The following PCDHB2 variants were observed in gnomAD, a reference collection of about 807,000 sequenced individuals.
PCDHB2 encodes the protein protocadherin beta-2.
For missense variants in PCDHB2, 914 were observed against 1,023.1 expected (o/e 0.89, Z 1.45); for synonymous variants, 395 against 464.9 (o/e 0.85, Z 1.93).
In PCDHB2 at chr5:141,096,338, C is replaced by T. The variant is rs143150465; in HGVS notation, c.1548C>T (p.Phe516=). 5.0e-6 allele frequency: 8 copies of T among 1,613,174 alleles called. No individual in the cohort carries two copies. The African/African-American group carries it at 6.7e-5, about 13-fold the overall frequency. Residue 516 remains phenylalanine, a synonymous_variant, in exon 1 of 1, where the codon TTC becomes TTT. Coordinates refer to ENST00000194155, the MANE Select transcript of PCDHB2 (RefSeq NM_018936.4). ...TCAACGCGGACAACGGCCACCTGTTCGCTCTCCAGTCGCTGGACTACGAGG... is the reference window on the plus strand; with the variant it reads ...TCAACGCGGACAACGGCCACCTGTTTGCTCTCCAGTCGCTGGACTACGAGG... ...VSINADNGHL[F]ALQSLDYEAL...
In PCDHB2 at chr5:141,095,550, C is replaced by G. The variant is rs375953256; in HGVS notation, c.760C>G (p.Pro254Ala). 3.7e-6 allele frequency: 6 copies of G among 1,613,336 alleles called. No individual in the cohort carries two copies. In the East Asian group the frequency reaches 8.9e-5, roughly 24 times the overall value. ...FAKLLYEVQI[P>A]EDSPVGSQVA... ...AAAGCTGCTCTATGAGGTGCAGATCCCGGAGGACAGCCCCGTTGGATCCCA... is the reference window on the plus strand; with the variant it reads ...AAAGCTGCTCTATGAGGTGCAGATCGCGGAGGACAGCCCCGTTGGATCCCA... Residue 254 changes from proline to alanine, a missense_variant, in exon 1 of 1, where the codon CCG becomes GCG. Transcript: ENST00000194155.
chr5:141,095,070 C>G lies in PCDHB2; in HGVS notation c.280C>G (p.Arg94Gly). 6.2e-7 allele frequency: 1 copy of G among 1,613,988 alleles called. No individual in the cohort carries two copies. Among genetic ancestry groups the G allele is most frequent in the Non-Finnish European group, 8.5e-7 (1 of 1,179,994 alleles). The change falls in exon 1 of 1, where the codon CGG becomes GGG. Residue 94 changes from arginine to glycine, a missense_variant. Coordinates refer to ENST00000194155, the MANE Select transcript of PCDHB2 (RefSeq NM_018936.4). ...TTTGTTGTTAAATGAGAAATTGGAC[C>G]GGGAGGAGCTGTGCGGCCCCACAGA... ...GDLLLNEKLD[R>G]EELCGPTEPC...
rs1554271430 is a variant in PCDHB2, at chr5:141,096,214, T to A, written c.1424T>A (p.Val475Asp). ...AGCCCCGCCCTGCACATCGGCAGCGTCAGCGCCACAGACAGAGACTCGGGC... is the reference window on the plus strand; with the variant it reads ...AGCCCCGCCCTGCACATCGGCAGCGACAGCGCCACAGACAGAGACTCGGGC... The part of the protein sequence containing the change: ...NNSPALHIGS[V>D]SATDRDSGTN... Residue 475 changes from valine to aspartate, a missense_variant, in exon 1 of 1, where the codon GTC (valine) becomes GAC (aspartate). Physicochemically the swap from Val to Asp is radical, Grantham distance 152 (BLOSUM62 -3). Transcript: ENST00000194155. 1.2e-6 allele frequency: 2 copies of A among 1,612,990 alleles called. No individual in the cohort carries two copies. Among genetic ancestry groups the A allele is most frequent in the African/African-American group, 1.3e-5 (1 of 75,010 alleles).
rs1030865446 is a variant in PCDHB2, at chr5:141,094,971, C to T, written c.181C>T (p.Leu61Phe). The T allele has an allele frequency of 1.9e-6, 3 of 1,613,584 alleles. No individual in the cohort carries two copies. The highest frequency in any genetic ancestry group is 2.5e-6 in the Non-Finnish European group (3 of 1,179,906). ...LKDLGLEIGE[L>F]AVRGARVVSK... is the part of the protein sequence containing the mutation. The stretch of plus-strand genomic sequence containing the variant: ...AGACCTGGGGCTGGAGATAGGAGAA[C>T]TTGCTGTGAGGGGGGCCAGGGTCGT... The change falls in exon 1 of 1, where the codon CTT becomes TTT. Residue 61 changes from leucine (L) to phenylalanine (F), a missense_variant. Coordinates refer to ENST00000194155, the MANE Select transcript of PCDHB2 (RefSeq NM_018936.4).
chr5:141,096,809 G>A lies in PCDHB2; in HGVS notation c.2019G>A (p.Leu673=), dbSNP rs1323423418. The change falls in exon 1 of 1, where the codon CTG becomes CTA. Residue 673 remains leucine (L), a synonymous_variant. Transcript: ENST00000194155. ...LLVDGFSQPY[L]LLPEAAPAQA... ...TGGACGGCTTCTCCCAGCCCTACCT[G>A]CTGCTCCCGGAGGCGGCACCGGCCC... 1.2e-5 allele frequency: 19 copies of A among 1,610,212 alleles called. No individual in the cohort carries two copies. The highest frequency in any genetic ancestry group is 1.6e-5 in the Non-Finnish European group (19 of 1,179,722).
rs1486373921 is a variant in PCDHB2 at position 141,094,823 on chromosome 5, G to A, written c.33G>A (p.Pro11=). The A allele has an allele frequency of 5.1e-6, 8 of 1,580,996 alleles. No individual in the cohort carries two copies. The highest frequency in any genetic ancestry group is 2.0e-4 in the Middle Eastern group (1 of 5,058). The change falls in exon 1 of 1, where the codon CCG becomes CCA. Residue 11 remains proline (P), a synonymous_variant. Transcript: ENST00000194155. MEAGEGKERV[P]KQRQVLIFFV... is the part of the protein sequence containing the mutation. ...CCGGAGAGGGGAAGGAGCGCGTTCC[G>A]AAACAAAGGCAAGTCCTGATATTCT...
rs384081 is a variant in PCDHB2, at chr5:141,096,811, T to C, written c.2021T>C (p.Leu674Pro). ...LVDGFSQPYL[L>P]LPEAAPAQAQ... is the part of the protein sequence containing the mutation. ...GACGGCTTCTCCCAGCCCTACCTGC[T>C]GCTCCCGGAGGCGGCACCGGCCCAG... Residue 674 changes from leucine (L) to proline (P), a missense_variant, in exon 1 of 1, where the codon CTG becomes CCG. Transcript: ENST00000194155. 68,805 of 1,475,554 alleles carry C rather than the reference T, an allele frequency of 0.047. 6,215 individuals are homozygous for C. Among genetic ancestry groups the C allele is most frequent in the South Asian group, 0.087 (7,340 of 84,616 alleles). 91.4% of individuals were successfully genotyped at this position (1,475,554 alleles called of 1,614,324 possible). A position where few individuals can be genotyped will look rare whatever the true frequency, so the allele number is the denominator to read the frequency against.
chr5:141,096,497 C>G lies in PCDHB2; in HGVS notation c.1707C>G (p.Asn569Lys), dbSNP rs200168689. 2 of 1,608,720 alleles carry G rather than the reference C, an allele frequency of 1.2e-6. No individual in the cohort carries two copies. Among genetic ancestry groups the G allele is most frequent in the African/African-American group, 2.7e-5 (2 of 74,808 alleles). Residue 569 changes from asparagine to lysine, a missense_variant, in exon 1 of 1, where the codon AAC (asparagine) becomes AAG (lysine). By Grantham distance (94) the Asn-to-Lys change is moderately conservative (BLOSUM62 0). Transcript: ENST00000194155. ...CCTTCGTGCTGTACCCGCTGCAGAACGGCTCCGCGCCCTGCACCGAGCTGG... is the reference window on the plus strand; with the variant it reads ...CCTTCGTGCTGTACCCGCTGCAGAAGGGCTCCGCGCCCTGCACCGAGCTGG... ...NSPFVLYPLQ[N>K]GSAPCTELVP... is the part of the protein sequence containing the mutation.
At position 141,094,872 on chromosome 5, in the gene PCDHB2, G is replaced by A; in HGVS notation, c.82G>A (p.Ala28Thr). Residue 28 changes from alanine (A) to threonine (T), a missense_variant, in exon 1 of 1, where the codon GCT (alanine) becomes ACT (threonine). Physicochemically the swap from Ala to Thr is moderately conservative, Grantham distance 58. Transcript: ENST00000194155. ...CTTTGTTTTGCTGGGCATAGCTCAG[G>A]CTAGTTGCCAGCCTAGGCACTATTC... is the stretch of plus-strand genomic sequence containing the variant. Reference protein sequence around the residue: ...IFFVLLGIAQASCQPRHYSVA... With the variant: ...IFFVLLGIAQTSCQPRHYSVA... 5.6e-6 allele frequency: 9 copies of A among 1,613,734 alleles called. No individual in the cohort carries two copies. The highest frequency in any genetic ancestry group is 7.6e-6 in the Non-Finnish European group (9 of 1,179,918).
chr5:141,096,713 G>T lies in PCDHB2; in HGVS notation c.1923G>T (p.Arg641Ser). The change falls in exon 1 of 1, where the codon AGG becomes AGT. Residue 641 changes from arginine to serine, a missense_variant. Arg to Ser is a moderately radical substitution (Grantham distance 110). Transcript: ENST00000194155. ...LLRERDAAKQ[R>S]LVVLVKDNGE... ...GGGAGCGCGACGCTGCCAAGCAGAGGCTGGTGGTGCTGGTCAAGGACAATG... is the reference window on the plus strand; with the variant it reads ...GGGAGCGCGACGCTGCCAAGCAGAGTCTGGTGGTGCTGGTCAAGGACAATG... The T allele has an allele frequency of 3.7e-6, 6 of 1,610,554 alleles. No individual in the cohort carries two copies. The highest frequency in any genetic ancestry group is 5.1e-6 in the Non-Finnish European group (6 of 1,179,676).
rs560605066 is a variant in PCDHB2 at position 141,095,064 on chromosome 5, T to C, written c.274T>C (p.Leu92=). The C allele has an allele frequency of 2.5e-6, 4 of 1,614,068 alleles. No individual in the cohort carries two copies. In the African/African-American group the frequency reaches 4.0e-5, roughly 16 times the overall value. ...QTGDLLLNEK[L]DREELCGPTE... ...CGGGGATTTGTTGTTAAATGAGAAATTGGACCGGGAGGAGCTGTGCGGCCC... is the reference window on the plus strand; with the variant it reads ...CGGGGATTTGTTGTTAAATGAGAAACTGGACCGGGAGGAGCTGTGCGGCCC... Residue 92 remains leucine (L), a synonymous_variant, in exon 1 of 1, where the codon TTG becomes CTG. Coordinates refer to ENST00000194155, the MANE Select transcript of PCDHB2 (RefSeq NM_018936.4).
In PCDHB2 at chr5:141,095,044, A is replaced by G; in HGVS notation, c.254A>G (p.Asp85Gly). ...MHLQFDRQTG[D>G]LLLNEKLDRE... Reference sequence around the variant, plus strand: ...TTGCAGTTCGATAGGCAGACCGGGGATTTGTTGTTAAATGAGAAATTGGAC... The same window carrying G: ...TTGCAGTTCGATAGGCAGACCGGGGGTTTGTTGTTAAATGAGAAATTGGAC... Residue 85 changes from aspartate to glycine, a missense_variant, in exon 1 of 1, where the codon GAT becomes GGT. By Grantham distance (94) the Asp-to-Gly change is moderately conservative. Transcript: ENST00000194155. 6.2e-7 allele frequency: 1 copy of G among 1,613,894 alleles called. No individual in the cohort carries two copies. Among genetic ancestry groups the G allele is most frequent in the Non-Finnish European group, 8.5e-7 (1 of 1,179,960 alleles).
Position 141,095,478 on chromosome 5 carries a change from G to A in PCDHB2, c.688G>A (p.Val230Ile). ...GSPPRSGTAL[V>I]RIEVVDINDN... ...TCCACCCAGGTCCGGCACGGCCCTG[G>A]TACGGATTGAAGTTGTGGACATCAA... The change falls in exon 1 of 1, where the codon GTA becomes ATA. Residue 230 changes from valine (V) to isoleucine (I), a missense_variant. Val to Ile is a conservative substitution (Grantham distance 29, BLOSUM62 3). Transcript: ENST00000194155. The A allele has an allele frequency of 6.2e-7, 1 of 1,614,124 alleles. No homozygotes were observed. The highest frequency in any genetic ancestry group is 1.3e-5 in the African/African-American group (1 of 75,020).
At position 141,096,188 on chromosome 5, in the gene PCDHB2, C is replaced by T. The variant is rs1588302619; in HGVS notation, c.1398C>T (p.Asn466=). 1 of 1,613,164 alleles carries T rather than the reference C, an allele frequency of 6.2e-7. No homozygotes were observed. The highest frequency in any genetic ancestry group is 2.2e-5 in the East Asian group (1 of 44,870). Reference sequence around the variant, plus strand: ...ACACCCTGTTCGTCCGCGAGAACAACAGCCCCGCCCTGCACATCGGCAGCG... The same window carrying T: ...ACACCCTGTTCGTCCGCGAGAACAATAGCCCCGCCCTGCACATCGGCAGCG... ...TSYTLFVREN[N]SPALHIGSVS... is the part of the protein sequence containing the mutation. The change falls in exon 1 of 1, where the codon AAC becomes AAT. Residue 466 remains asparagine (N), a synonymous_variant. Transcript: ENST00000194155.
In PCDHB2 at chr5:141,096,124, A is replaced by G. The variant is rs554027818; in HGVS notation, c.1334A>G (p.Asp445Gly). ...CACAACATAACCGTGCTGGTCTCCG[A>G]CGTCAATGACAACGCCCCCGCCTTC... ...TEHNITVLVS[D>G]VNDNAPAFTQ... Residue 445 changes from aspartate (D) to glycine (G), a missense_variant, in exon 1 of 1, where the codon GAC (aspartate) becomes GGC (glycine). Asp to Gly is a moderately conservative substitution (Grantham distance 94). Transcript: ENST00000194155. 1 of 1,613,832 alleles carries G rather than the reference A, an allele frequency of 6.2e-7. No homozygotes were observed. The highest frequency in any genetic ancestry group is 1.1e-5 in the South Asian group (1 of 91,076).
chr5:141,095,448 G>A lies in PCDHB2; in HGVS notation c.658G>A (p.Gly220Arg), dbSNP rs200473303. 7.4e-6 allele frequency: 12 copies of A among 1,614,112 alleles called. No individual in the cohort carries two copies. In the African/African-American group the frequency reaches 9.3e-5, roughly 13 times the overall value. The change falls in exon 1 of 1, where the codon GGG becomes AGG. Residue 220 changes from glycine to arginine, a missense_variant. Coordinates refer to ENST00000194155, the MANE Select transcript of PCDHB2 (RefSeq NM_018936.4). ...IRLTLTALDG[G>R]SPPRSGTALV... ...GTTAACCCTCACAGCGCTAGATGGCGGGAGTCCACCCAGGTCCGGCACGGC... is the reference window on the plus strand; with the variant it reads ...GTTAACCCTCACAGCGCTAGATGGCAGGAGTCCACCCAGGTCCGGCACGGC...
In PCDHB2 at chr5:141,096,026, C is replaced by T; in HGVS notation, c.1236C>T (p.Asp412=). The T allele has an allele frequency of 6.2e-7, 1 of 1,614,092 alleles. No homozygotes were observed. The highest frequency in any genetic ancestry group is 8.5e-7 in the Non-Finnish European group (1 of 1,180,022). Residue 412 remains aspartate, a synonymous_variant, in exon 1 of 1, where the codon GAC becomes GAT. Transcript: ENST00000194155. ...CTCTGGTGATAAGCACGGCCCTGGA[C>T]CGGGAGACCAGATCCGAATACAACA... ...FYTLVISTAL[D]RETRSEYNIT...
chr5:141,095,427 A>C lies in PCDHB2; in HGVS notation c.637A>C (p.Thr213Pro), dbSNP rs2149611974. 6.2e-7 allele frequency: 1 copy of C among 1,614,150 alleles called. No individual in the cohort carries two copies. Among genetic ancestry groups the C allele is most frequent in the South Asian group, 1.1e-5 (1 of 91,074 alleles). ...DREEQPEIRL[T>P]LTALDGGSPP... ...CGAGGAGCAGCCTGAGATCAGGTTA[A>C]CCCTCACAGCGCTAGATGGCGGGAG... The change falls in exon 1 of 1, where the codon ACC becomes CCC. Residue 213 changes from threonine to proline, a missense_variant. Transcript: ENST00000194155.
chr5:141,098,143 CA>C lies in PCDHB2; in HGVS notation c.*961del, dbSNP rs1751871951. ...TTGTCAAAAGTCAATCATTAATATT[CA>C]AAAATGTAGATAAATAATACATGTC... On this transcript the variant is annotated 3_prime_UTR_variant, in exon 1 of 1. Coordinates refer to ENST00000194155, the MANE Select transcript of PCDHB2 (RefSeq NM_018936.4). The C allele has an allele frequency of 6.6e-6, 1 of 152,158 alleles. No homozygotes were observed. The allele number at this position is 152,158 out of a possible 1,614,324, so 9.4% of individuals were successfully genotyped here.
Sources: allele counts gnomAD v4.1 joint callset, GRCh38; gene constraint gnomAD v4.1.1; transcripts MANE v1.5; gene names NCBI Gene and HGNC (gene_info 2026-07-23, HGNC 2026-07-21).